Variants in PDE1A observed in about 807,000 individuals in gnomAD.
The protein encoded by PDE1A is dual specificity calcium/calmodulin-dependent 3',5'-cyclic nucleotide phosphodiesterase 1A.
PDE1A carries 35 observed loss-of-function variants against 61.7 expected under a neutral mutation model. That is an observed-to-expected ratio of 0.57 (90% confidence interval 0.43 to 0.75). PDE1A has a LOEUF of 0.75. PDE1A is among the 30% of genes least tolerant of loss of function. The pLI is 0.00. For missense variants in PDE1A, 597 were observed against 630.6 expected, an observed-to-expected ratio of 0.95 and a Z score of 0.57; for synonymous variants, 232 against 213.2, an observed-to-expected ratio of 1.09 and a Z score of -0.77.
intron 2 of PDE1A, among the ~76,000 whole-genome samples, chr2:182,448,916 G>A (rs1189925871): frequency 6.6e-6 from 1 of 151,808 alleles, no homozygotes; most frequent in African/African-American, 2.4e-5. Context: ...ACATACTAAA[G>A]CAATATCCTT....
the PDE1A span, among the ~76,000 whole-genome samples, chr2:182,589,680 GTATC>G: frequency 6.6e-6 from 1 of 152,302 alleles, no homozygotes; most frequent in African/African-American, 2.4e-5. Context: ...AAAGAAATTT[GTATC>G]TATCTAAATC....
At chr2:182,709,262 C>A in the PDE1A span, among the ~76,000 whole-genome samples, 1 of 152,060 alleles carries the variant, frequency 6.6e-6, no homozygotes, top group African/African-American at 2.4e-5. Flanking sequence ...GACCATATTG[C>A]TCATATAACT....
At chr2:182,518,494 T>C (rs114168387) in intron 2 of PDE1A, among the ~76,000 whole-genome samples, 1,744 of 152,290 alleles carry the variant, frequency 0.011, 40 homozygotes, top group African/African-American at 0.039. Flanking sequence ...CTTTCAAGCA[T>C]TGCATTCACA....
At chr2:182,590,379 G>C in the PDE1A span, among the ~76,000 whole-genome samples, 6 of 151,974 alleles carry the variant, frequency 3.9e-5, no homozygotes, top group Non-Finnish European at 8.8e-5. Flanking sequence ...GAGGTGGAAG[G>C]ATCTCTTCCA....
intron 13 of PDE1A, among the ~76,000 whole-genome samples, chr2:182,172,855 G>A (rs937655909): frequency 2.0e-5 from 3 of 151,976 alleles, no homozygotes; most frequent in Admixed American, 6.6e-5. Context: ...AAACATAGGC[G>A]TAGCTAGACT....
At chr2:182,542,062 A>T in the PDE1A span, among the ~76,000 whole-genome samples, 1 of 152,160 alleles carries the variant, frequency 6.6e-6, no homozygotes, top group Non-Finnish European at 1.5e-5. Context: ...ATTTGCTGAA[A>T]ATATCTCAAT....
intron 2 of PDE1A, among the ~76,000 whole-genome samples, chr2:182,512,037 T>C (rs1249353934): frequency 1.3e-5 from 2 of 152,182 alleles, no homozygotes; most frequent in Admixed American, 1.3e-4. Context: ...TGCCAGTGCA[T>C]GTGTGCAAAC....
chr2:182,426,912 G>C, exon 1 of PDE1A: 2 of 1,197,998 alleles, frequency 1.7e-6, no homozygotes, highest in Non-Finnish European at 1.0e-6. Flanking sequence ...AGAAGTGCAC[G>C]GGACCCTCCG....
At chr2:182,366,194 T>C (rs1009437410) in intron 1 of PDE1A, among the ~76,000 whole-genome samples, 8 of 152,096 alleles carry the variant, frequency 5.3e-5, no homozygotes, top group Non-Finnish European at 1.0e-4. Context: ...TTGACTTTTT[T>C]AGTCCTCTCA....
intron 1 of PDE1A, 22 bp downstream of exon 1, chr2:182,426,556 C>T: frequency 6.6e-7 from 1 of 1,524,508 alleles, no homozygotes; most frequent in South Asian, 1.1e-5. Context: ...CCTAGAGCCA[C>T]CTGCGATGTA....
the PDE1A span, among the ~76,000 whole-genome samples, chr2:182,564,619 G>T: frequency 1.3e-5 from 2 of 152,158 alleles, no homozygotes; most frequent in Non-Finnish European, 2.9e-5. Flanking sequence ...GATTGGGGAA[G>T]TTCTCCTGGA....
At chr2:182,187,641 A>T (rs1467577594) in intron 11 of PDE1A, among the ~76,000 whole-genome samples, 1 of 152,136 alleles carries the variant, frequency 6.6e-6, no homozygotes, top group Non-Finnish European at 1.5e-5. Context: ...TTTTAATTTA[A>T]TAAAACTTCA....
At chr2:182,380,393 T>C (rs1161777243) in intron 1 of PDE1A, among the ~76,000 whole-genome samples, 1 of 151,846 alleles carries the variant, frequency 6.6e-6, no homozygotes, top group Non-Finnish European at 1.5e-5. Context: ...ATTACAGGCG[T>C]GAGCCACCGC....
intron 1 of PDE1A, among the ~76,000 whole-genome samples, chr2:182,277,390 C>A (rs1232805853): frequency 2.6e-5 from 4 of 152,070 alleles, no homozygotes; most frequent in Non-Finnish European, 5.9e-5. Context: ...CGGGCGGGTT[C>A]CCCCGATAAG....
At chr2:182,328,051 T>C (rs924636221) in intron 1 of PDE1A, among the ~76,000 whole-genome samples, 1 of 151,902 alleles carries the variant, frequency 6.6e-6, no homozygotes, top group African/African-American at 2.4e-5. Flanking sequence ...GTTAGGGAGG[T>C]AGATGTGCGG....
intron 2 of PDE1A, among the ~76,000 whole-genome samples, chr2:182,508,415 G>T (rs1467956126): frequency 1.3e-5 from 2 of 150,436 alleles, no homozygotes; most frequent in Non-Finnish European, 3.0e-5. Flanking sequence ...AGAAATAAAA[G>T]ATATTCATGT....
At chr2:182,704,512 G>T in the PDE1A span, among the ~76,000 whole-genome samples, 1 of 152,150 alleles carries the variant, frequency 6.6e-6, no homozygotes, top group Admixed American at 6.5e-5. Context: ...GTCAAAGTAA[G>T]AATTTTCTTT....
intron 2 of PDE1A, among the ~76,000 whole-genome samples, chr2:182,477,394 T>C (rs1242870011): frequency 6.6e-6 from 1 of 151,960 alleles, no homozygotes; most frequent in African/African-American, 2.4e-5. Context: ...CTTTAAACAC[T>C]TGACAATTTA....
chr2:182,547,336 A>G, the PDE1A span, among the ~76,000 whole-genome samples: 1 of 152,050 alleles, frequency 6.6e-6, no homozygotes, highest in African/African-American at 2.4e-5. Flanking sequence ...AAATAAATCT[A>G]CCCCCACAAA....
Sources: allele counts gnomAD v4.1 joint callset (sites outside exome capture counted in the v4.1 genomes callset), GRCh38; gene constraint gnomAD v4.1.1; transcripts MANE v1.5; gene names NCBI Gene and HGNC (gene_info 2026-07-23, HGNC 2026-07-21).